PPP3CA: variants seen among roughly 807,000 people sequenced by gnomAD.
The protein encoded by PPP3CA is protein phosphatase 3 catalytic subunit alpha.
In PPP3CA, 14 loss-of-function variants were observed where a neutral mutation model predicts 66.5. The ratio of observed to expected loss-of-function variants is 0.21; its 90% CI spans 0.14 to 0.33. The LOEUF is 0.33. Ranked by LOEUF, PPP3CA falls within the 10% of genes least tolerant of loss-of-function variation. The pLI is 1.00. For synonymous variants in PPP3CA, 232 were observed against 226.2 expected, an observed-to-expected ratio of 1.03 and a Z score of -0.23; for missense variants, 317 against 639.5, an observed-to-expected ratio of 0.50 and a Z score of 5.44.
At chr4:101,161,841 C>T (rs1242505669) in intron 2 of PPP3CA, among the ~76,000 whole-genome samples, 1 of 152,076 alleles carries the variant, frequency 6.6e-6, no homozygotes, top group African/African-American at 2.4e-5. Flanking sequence ...TAGGAGTTGC[C>T]TAAAAGCAGG....
intron 1 of PPP3CA, among the ~76,000 whole-genome samples, chr4:101,242,538 A>G (rs1726345288): frequency 6.6e-6 from 1 of 151,426 alleles, no homozygotes; most frequent in East Asian, 1.9e-4. Flanking sequence ...GGTTTAAATA[A>G]AAAAAAAGAG....
In PPP3CA at chr4:101,026,190, C is replaced by T. The variant is rs942155299; in HGVS notation, c.1370-129G>A. On this transcript the variant is annotated intron_variant, in intron 13 of 13. Transcript: ENST00000394854. ...AATCCTTCAGTGAAGAACAAAGTGA[C>T]GGGACCTGCACACCACACAACAGAC... 7.6e-5 allele frequency: 55 copies of T among 726,028 alleles called. 2 individuals carry two copies. The South Asian group carries it at 9.5e-4, about 13-fold the overall frequency. 45.0% of individuals were successfully genotyped at this position (726,028 alleles called of 1,614,324 possible).
intron 1 of PPP3CA, among the ~76,000 whole-genome samples, chr4:101,229,939 G>A (rs755054586): frequency 1.3e-5 from 2 of 151,594 alleles, no homozygotes; most frequent in East Asian, 3.9e-4. Context: ...GAAAAAGAGA[G>A]AGAGATATTA....
At chr4:101,312,792 C>A (rs1560712429) in intron 1 of PPP3CA, among the ~76,000 whole-genome samples, 1 of 152,012 alleles carries the variant, frequency 6.6e-6, no homozygotes, top group Non-Finnish European at 1.5e-5. Flanking sequence ...AAAAGACAGT[C>A]AAAACACAAA....
intron 1 of PPP3CA, among the ~76,000 whole-genome samples, chr4:101,263,256 T>C (rs1560687146): frequency 6.6e-6 from 1 of 152,204 alleles, no homozygotes; most frequent in Non-Finnish European, 1.5e-5. Flanking sequence ...ACTAGTCCAG[T>C]GACCCTTTAA....
intron 10 of PPP3CA, among the ~76,000 whole-genome samples, chr4:101,060,266 G>A (rs1412239189): frequency 6.6e-6 from 1 of 151,976 alleles, no homozygotes; most frequent in Non-Finnish European, 1.5e-5. Flanking sequence ...TTTTTGTAGA[G>A]ATGAATTCTC....
At chr4:101,218,849 A>T (rs1325354672) in intron 1 of PPP3CA, among the ~76,000 whole-genome samples, 1 of 152,104 alleles carries the variant, frequency 6.6e-6, no homozygotes, top group African/African-American at 2.4e-5. Context: ...CATTTTCAAA[A>T]GTCTTAAAGC....
chr4:101,028,886 C>A (rs867940026), intron 13 of PPP3CA, among the ~76,000 whole-genome samples: 1 of 152,008 alleles, frequency 6.6e-6, no homozygotes, highest in African/African-American at 2.4e-5. Flanking sequence ...CTGCCATAAC[C>A]CCCACCCCAC....
At chr4:101,029,133 C>T in intron 13 of PPP3CA, 33 bp downstream of exon 13, 1 of 1,549,448 alleles carries the variant, frequency 6.5e-7, no homozygotes, top group Non-Finnish European at 8.9e-7. Context: ...TTATCTGTTG[C>T]AGGTACAACA....
intron 8 of PPP3CA, among the ~76,000 whole-genome samples, chr4:101,063,803 G>GT (rs1728570563): frequency 1.3e-5 from 2 of 151,682 alleles, no homozygotes; most frequent in South Asian, 4.2e-4. Flanking sequence ...GTACAAAATA[G>GT]TTTAAGTTAG....
chr4:101,278,149 T>TAAAAAAAAAAAAAAAAA (rs1200528599), intron 1 of PPP3CA, among the ~76,000 whole-genome samples: 30 of 119,492 alleles, frequency 2.5e-4, no homozygotes, highest in African/African-American at 1.0e-3. Flanking sequence ...ATAAAAAAAT[T>TAAAAAAAAAAAAAAAAA]AAAAAGTTAT....
At chr4:101,305,301 AC>A (rs1467442306) in intron 1 of PPP3CA, among the ~76,000 whole-genome samples, 2 of 152,214 alleles carry the variant, frequency 1.3e-5, no homozygotes, top group Non-Finnish European at 2.9e-5. Context: ...AATATTTGAG[AC>A]CACAAAAGGT....
intron 1 of PPP3CA, among the ~76,000 whole-genome samples, chr4:101,288,238 G>A (rs1293402313): frequency 6.6e-6 from 1 of 152,164 alleles, no homozygotes; most frequent in Non-Finnish European, 1.5e-5. Flanking sequence ...AAAATGGCCA[G>A]ATGTCTGGCT....
intron 1 of PPP3CA, among the ~76,000 whole-genome samples, chr4:101,225,319 C>G (rs1725747931): frequency 6.6e-6 from 1 of 151,674 alleles, no homozygotes; most frequent in South Asian, 2.1e-4. Context: ...AAATGACGGA[C>G]ACTTTAAAAA....
intron 1 of PPP3CA, among the ~76,000 whole-genome samples, chr4:101,285,837 C>T (rs1022543095): frequency 6.6e-6 from 1 of 152,048 alleles, no homozygotes; most frequent in Non-Finnish European, 1.5e-5. Context: ...GGAACACAGA[C>T]CAAGACTTTG....
chr4:101,032,725 T>TTAAG (rs1351308359), intron 11 of PPP3CA, among the ~76,000 whole-genome samples: 3 of 152,140 alleles, frequency 2.0e-5, no homozygotes, highest in Non-Finnish European at 2.9e-5. Context: ...AATGCTGATG[T>TTAAG]TAAGTTTTTC....
intron 2 of PPP3CA, among the ~76,000 whole-genome samples, chr4:101,113,753 A>G (rs954125422): frequency 1.5e-4 from 23 of 152,098 alleles, no homozygotes; most frequent in African/African-American, 5.3e-4. Context: ...CACACAGAGT[A>G]AAGGCTTGCC....
rs1553919861 is a variant in PPP3CA at position 101,024,959 on chromosome 4, T to TTTA, written c.*905_*906insTAA. The TTTA allele has an allele frequency of 2.6e-5, 4 of 152,134 alleles. No individual in the cohort carries two copies. The highest frequency in any genetic ancestry group is 9.7e-5 in the African/African-American group (4 of 41,196). 9.4% of individuals were successfully genotyped at this position (152,134 alleles called of 1,614,324 possible). A position where few individuals can be genotyped will look rare whatever the true frequency, so the allele number is the denominator to read the frequency against. On this transcript the variant is annotated 3_prime_UTR_variant, in exon 14 of 14. Transcript: ENST00000394854. Reference sequence around the variant, plus strand: ...TGCATAGGCAGATTTTTTTTTTTTTTACAGAATATAGATGCTTTATCACTG... The same window carrying TTTA: ...TGCATAGGCAGATTTTTTTTTTTTTTTTAACAGAATATAGATGCTTTATCACTG...
chr4:101,062,991 T>A (rs1332094635), intron 9 of PPP3CA, among the ~76,000 whole-genome samples: 1 of 151,896 alleles, frequency 6.6e-6, no homozygotes, highest in Non-Finnish European at 1.5e-5. Context: ...CTAATAAGAT[T>A]GTAAAAATTT....
Sources: allele counts gnomAD v4.1 joint callset (sites outside exome capture counted in the v4.1 genomes callset), GRCh38; gene constraint gnomAD v4.1.1; transcripts MANE v1.5; gene names NCBI Gene and HGNC (gene_info 2026-07-23, HGNC 2026-07-21).